Variants in CRHR1 observed in about 807,000 individuals in gnomAD.
CRHR1 encodes corticotropin releasing hormone receptor 1.
A neutral mutation model predicts 56.0 loss-of-function variants in CRHR1; 28 were observed. The ratio of observed to expected loss-of-function variants is 0.50; its 90% confidence interval spans 0.37 to 0.69. CRHR1 has a LOEUF of 0.69. CRHR1 is among the 30% of genes least tolerant of loss of function. CRHR1 has a pLI of 0.00. For missense variants in CRHR1, 376 were observed against 548.0 expected (o/e 0.69, Z 3.13); for synonymous variants, 195 against 216.5 (o/e 0.90, Z 0.87).
intron 4 of CRHR1, chr17:45,826,180 A>G (rs62057149): frequency 0.14 from 21,864 of 152,512 alleles, 2,132 homozygotes; most frequent in Middle Eastern, 0.22. Context: ...TATCGTGGCC[A>G]TCGGTCGGGG....
Position 45,821,140 on chromosome 17 carries a change from G to A in CRHR1, c.242-215G>A, listed in dbSNP as rs536368148. ...CCAGCTTGAGTGGGCAGAGCCGGGG[G>A]AGCCACCAACCCCTGCTGGAGGCCA... On this transcript the variant is annotated intron_variant, in intron 3 of 12. Coordinates refer to ENST00000314537, the MANE Select transcript of CRHR1 (RefSeq NM_004382.5). 2.6e-5 allele frequency among the ~76,000 whole-genome samples: 4 copies of A among 152,356 alleles called. No individual in the cohort carries two copies. The South Asian group carries it at 6.2e-4, about 24-fold the overall frequency.
intron 1 of CRHR1, among the ~76,000 whole-genome samples, chr17:45,787,561 T>G (rs902650247): frequency 6.6e-6 from 1 of 152,202 alleles, no homozygotes; most frequent in African/African-American, 2.4e-5. Context: ...GTATAATTCA[T>G]TTAAAAAATA....
chr17:45,822,613 A>G (rs1230017262), intron 4 of CRHR1, among the ~76,000 whole-genome samples: 5 of 152,172 alleles, frequency 3.3e-5, no homozygotes, highest in Admixed American at 3.3e-4. Flanking sequence ...GGTTATAAGA[A>G]TCGTCCAGAG....
chr17:45,823,775 C>A (rs2062097554), intron 4 of CRHR1, among the ~76,000 whole-genome samples: 2 of 152,258 alleles, frequency 1.3e-5, no homozygotes, highest in South Asian at 2.1e-4. Flanking sequence ...AGCCCCACCC[C>A]TGGCTTCCTG....
chr17:45,789,760 T>C (rs1216207479), intron 1 of CRHR1, among the ~76,000 whole-genome samples: 2 of 152,208 alleles, frequency 1.3e-5, no homozygotes, highest in African/African-American at 4.8e-5. Context: ...AGTCAACATC[T>C]TCTTGTATGG....
At chr17:45,797,383 C>T (rs1207727410) in intron 1 of CRHR1, among the ~76,000 whole-genome samples, 4 of 150,768 alleles carry the variant, frequency 2.7e-5, no homozygotes, top group East Asian at 2.0e-4. Flanking sequence ...CTCCGCCTCC[C>T]GGGTTCATGC....
intron 1 of CRHR1, among the ~76,000 whole-genome samples, chr17:45,788,548 C>T (rs1485922812): frequency 6.6e-6 from 1 of 152,136 alleles, no homozygotes; most frequent in Admixed American, 6.5e-5. Flanking sequence ...GTGTCCCCAG[C>T]TATAAAATGG....
chr17:45,820,697 T>A (rs2062021242), intron 3 of CRHR1, among the ~76,000 whole-genome samples: 1 of 150,564 alleles, frequency 6.6e-6, no homozygotes, highest in Non-Finnish European at 1.5e-5. Context: ...GAGACCTCCA[T>A]CATGGATGTT....
intron 12 of CRHR1, 88 bp downstream of exon 12, chr17:45,834,136 A>C (rs2062384277): frequency 6.6e-7 from 1 of 1,510,162 alleles, no homozygotes; most frequent in Non-Finnish European, 9.2e-7. Context: ...CTCCCCTCCC[A>C]GGGCTGCCTC....
At chr17:45,829,077 C>A (rs1474379452) in intron 4 of CRHR1, 138 bp from the exon 5 acceptor site, 1 of 671,746 alleles carries the variant, frequency 1.5e-6, no homozygotes, top group Non-Finnish European at 2.6e-6. Flanking sequence ...CGAGGCCTGA[C>A]CCTCAGCAGA....
intron 3 of CRHR1, 50 bp from the exon 4 acceptor site, chr17:45,821,305 G>A: frequency 6.4e-7 from 1 of 1,556,382 alleles, no homozygotes; most frequent in Non-Finnish European, 8.8e-7. Flanking sequence ...GGATGGTCAG[G>A]CAGGGGCCGG....
At chr17:45,833,656 G>T in intron 10 of CRHR1, 58 bp from the exon 11 acceptor site, 1 of 1,604,986 alleles carries the variant, frequency 6.2e-7, no homozygotes, top group East Asian at 2.2e-5. Flanking sequence ...CCGAGCCAGC[G>T]GGCAGCCCGT....
At chr17:45,816,926 A>T (rs2061941525) in intron 3 of CRHR1, among the ~76,000 whole-genome samples, 2 of 152,206 alleles carry the variant, frequency 1.3e-5, no homozygotes, top group Admixed American at 1.3e-4. Flanking sequence ...ACTTCAGGTT[A>T]GTCTGTTTGA....
At chr17:45,813,126 G>A (rs963559395) in intron 2 of CRHR1, among the ~76,000 whole-genome samples, 1 of 152,164 alleles carries the variant, frequency 6.6e-6, no homozygotes, top group African/African-American at 2.4e-5. Flanking sequence ...GGCCTTATGG[G>A]AAGGCACCGA....
In CRHR1 at chr17:45,834,843, G is replaced by A. The variant is rs1336156503; in HGVS notation, c.*79G>A. 3.8e-6 allele frequency: 6 copies of A among 1,589,966 alleles called. No individual in the cohort carries two copies. In the South Asian group the frequency reaches 6.7e-5, roughly 18 times the overall value. On this transcript the variant is annotated 3_prime_UTR_variant, in exon 13 of 13. Transcript: ENST00000314537. ...CAGGCTCCCTGACCACCCTGCCTGT[G>A]GAGGTGACCTGTTAGGTCTCATGCC...
Position 45,807,114 on chromosome 17 carries a change from C to A in CRHR1, c.121+17C>A. ...ACATCTCAGGTGAGTCCCCTCAACC[C>A]CCTCCTGCAAGATTCCTGGTCACCA... On this transcript the variant is annotated intron_variant, in intron 2 of 12. Transcript: ENST00000314537. 2 of 1,611,584 alleles carry A rather than the reference C, an allele frequency of 1.2e-6. No homozygotes were observed. Among genetic ancestry groups the A allele is most frequent in the South Asian group, 1.1e-5 (1 of 90,910 alleles).
At chr17:45,788,504 G>A (rs1364554618) in intron 1 of CRHR1, among the ~76,000 whole-genome samples, 2 of 152,152 alleles carry the variant, frequency 1.3e-5, no homozygotes, top group Non-Finnish European at 2.9e-5. Flanking sequence ...CTTGGAACAT[G>A]GTACTTGGAC....
At chr17:45,801,401 C>T (rs181767275) in intron 1 of CRHR1, among the ~76,000 whole-genome samples, 1,525 of 152,344 alleles carry the variant, frequency 0.01, 31 homozygotes, top group African/African-American at 0.034. Context: ...GAGCATGATA[C>T]CCGCCCAGTC....
intron 1 of CRHR1, among the ~76,000 whole-genome samples, chr17:45,789,607 G>A (rs1391181572): frequency 1.3e-5 from 2 of 152,172 alleles, no homozygotes; most frequent in African/African-American, 4.8e-5. Flanking sequence ...CAAACTCCTG[G>A]GCTCAAGCGA....
Sources: gnomAD v4.1 joint callset for allele counts (sites outside exome capture counted in the v4.1 genomes callset) on GRCh38, gnomAD v4.1.1 for gene constraint, MANE v1.5 for transcripts, NCBI Gene and HGNC (gene_info 2026-07-23, HGNC 2026-07-21) for gene names.